The following ITSN1 variants were observed in gnomAD, a reference collection of about 807,000 sequenced individuals.
ITSN1 encodes the protein intersectin-1.
A neutral mutation model predicts 239.8 loss-of-function variants in ITSN1; 58 were observed. That is an observed-to-expected ratio of 0.24 (90% CI 0.20 to 0.30). The LOEUF (loss-of-function observed/expected upper bound fraction) is 0.30, where lower values mean the gene tolerates loss of function less well. Among genes scored for constraint, ITSN1 ranks in the 10% least tolerant of loss-of-function variants. The probability of loss-of-function intolerance (pLI) is 1.00; values close to 1 mark genes in which losing one functional copy is unlikely to be tolerated. For synonymous variants in ITSN1, 780 were observed against 770.8 expected, an observed-to-expected ratio of 1.01 and a Z score of -0.20; for missense variants, 1,558 against 2,103.3, an observed-to-expected ratio of 0.74 and a Z score of 5.07.
intron 18 of ITSN1, among the ~76,000 whole-genome samples, chr21:33,798,408 CTT>C (rs913684451): frequency 6.7e-6 from 1 of 148,492 alleles, no homozygotes; most frequent in African/African-American, 2.5e-5. Flanking sequence ...CCTAATTTGC[CTT>C]TTTTTTTTAA....
intron 1 of ITSN1, among the ~76,000 whole-genome samples, chr21:33,662,437 C>T (rs2089629459): frequency 6.6e-6 from 1 of 152,124 alleles, no homozygotes; most frequent in African/African-American, 2.4e-5. Flanking sequence ...CATTTTGAAC[C>T]TTCTTATACC....
chr21:33,728,170 A>G (rs1037295468), intron 4 of ITSN1, among the ~76,000 whole-genome samples: 3 of 151,984 alleles, frequency 2.0e-5, no homozygotes, highest in African/African-American at 7.2e-5. Context: ...TCACCATGTC[A>G]GCCAGGCTGG....
intron 6 of ITSN1, among the ~76,000 whole-genome samples, chr21:33,751,020 A>G (rs910022229): frequency 6.6e-6 from 1 of 152,222 alleles, no homozygotes; most frequent in East Asian, 1.9e-4. Context: ...TACTTGAAAC[A>G]TTTCTGCGCC....
In ITSN1 at chr21:33,819,311, G is replaced by C; in HGVS notation, c.3004G>C (p.Val1002Leu). The change falls in exon 24 of 40, where the codon GTT becomes CTT. Residue 1002 changes from valine (V) to leucine (L), a missense_variant. This residue lies in a region of ITSN1 where 982 missense variants were observed against 1,209.9 expected (regional missense o/e 0.81). Coordinates refer to ENST00000381318, the MANE Select transcript of ITSN1 (RefSeq NM_003024.3). ...RVASPAAKPV[V>L]SGEEFIAMYT... ...AGCCTCTCCAGCAGCCAAGCCGGTC[G>C]TTTCGGGAGAAGGTGAGGGCCTGAG... is the stretch of plus-strand genomic sequence containing the variant. 1.2e-6 allele frequency: 2 copies of C among 1,613,872 alleles called. No homozygotes were observed. The highest frequency in any genetic ancestry group is 1.7e-6 in the Non-Finnish European group (2 of 1,179,734).
chr21:33,671,543 C>T (rs530177247), intron 1 of ITSN1, among the ~76,000 whole-genome samples: 3 of 152,172 alleles, frequency 2.0e-5, no homozygotes, highest in Admixed American at 2.0e-4. Flanking sequence ...AGGTGTGAGC[C>T]GCTGTGCCCG....
At chr21:33,704,754 A>G (rs1014174710) in intron 1 of ITSN1, among the ~76,000 whole-genome samples, 1 of 151,932 alleles carries the variant, frequency 6.6e-6, no homozygotes, top group African/African-American at 2.4e-5. Context: ...AGTAAGGCTA[A>G]GTTGTCATTT....
rs895476489 is a variant in ITSN1 at position 33,893,619 on chromosome 21, C to T, written c.*5319C>T. ...CAAACAAAAAAAGAGCTAATGCAGA[C>T]CTCTTCTGGTTAGACCTGACACGGA... On this transcript the variant is annotated 3_prime_UTR_variant, in exon 40 of 40. Transcript: ENST00000381318. The T allele has an allele frequency of 6.6e-6, 1 of 152,164 alleles. No homozygotes were observed. The highest frequency in any genetic ancestry group is 1.5e-5 in the Non-Finnish European group (1 of 68,046). The allele number at this position is 152,164 out of a possible 1,614,324, so 9.4% of individuals were successfully genotyped here. A position where few individuals can be genotyped will look rare whatever the true frequency, so the allele number is the denominator to read the frequency against.
intron 20 of ITSN1, among the ~76,000 whole-genome samples, chr21:33,808,035 A>C (rs1428156749): frequency 6.6e-6 from 1 of 150,884 alleles, no homozygotes; most frequent in East Asian, 2.0e-4. Context: ...AATACAAAAA[A>C]AATTAGCCGG....
intron 1 of ITSN1, among the ~76,000 whole-genome samples, chr21:33,694,269 C>T (rs986057720): frequency 2.0e-5 from 3 of 152,206 alleles, no homozygotes; most frequent in Admixed American, 6.5e-5. Flanking sequence ...TCAAGGAATC[C>T]TCCCAAACTT....
intron 2 of ITSN1, 127 bp from the exon 3 acceptor site, chr21:33,721,051 G>A: frequency 1.6e-6 from 1 of 609,166 alleles, no homozygotes; most frequent in Non-Finnish European, 2.9e-6. Context: ...AGGACAAGAA[G>A]ATGTGAATTT....
chr21:33,875,532 T>C lies in ITSN1; in HGVS notation c.4341+11T>C. ...GAAGGCCTGTCTGAGGTAGCCAACC[T>C]TGGGGCTGGGCCCTGGTCTCCCCCG... On this transcript the variant is annotated intron_variant, in intron 34 of 39. Transcript: ENST00000381318. 1 of 1,611,502 alleles carries C rather than the reference T, an allele frequency of 6.2e-7. No homozygotes were observed. The highest frequency in any genetic ancestry group is 8.5e-7 in the Non-Finnish European group (1 of 1,178,086).
intron 1 of ITSN1, among the ~76,000 whole-genome samples, chr21:33,685,496 G>A (rs766903821): frequency 2.6e-5 from 4 of 151,434 alleles, no homozygotes; most frequent in Non-Finnish European, 4.4e-5. Flanking sequence ...CCCCTTCAAC[G>A]CTGTAATAAT....
chr21:33,758,049 T>C (rs1242435781), intron 8 of ITSN1, among the ~76,000 whole-genome samples: 2 of 152,034 alleles, frequency 1.3e-5, no homozygotes, highest in African/African-American at 4.8e-5. Context: ...CCTGGCTAAT[T>C]TTTTTAAAAA....
intron 5 of ITSN1, among the ~76,000 whole-genome samples, chr21:33,747,310 GA>G (rs989219591): frequency 2.6e-5 from 4 of 151,754 alleles, no homozygotes; most frequent in East Asian, 3.9e-4. Flanking sequence ...CAAAAAGATT[GA>G]AAAAAAATAA....
Position 33,773,711 on chromosome 21 carries a change from G to C in ITSN1, c.1306-1018G>C, listed in dbSNP as rs138491843. Among the ~76,000 whole-genome samples, 3 of 150,514 alleles carry C rather than the reference G, an allele frequency of 2.0e-5. No homozygotes were observed. In the East Asian group the frequency reaches 5.9e-4, roughly 30 times the overall value. On this transcript the variant is annotated intron_variant, in intron 12 of 39. Transcript: ENST00000381318. Reference sequence around the variant, plus strand: ...TTTTTTTTTTTTGAGACAGACTCTCGCTCTGTTGCCCAGGCTGGAGTGCAG... The same window carrying C: ...TTTTTTTTTTTTGAGACAGACTCTCCCTCTGTTGCCCAGGCTGGAGTGCAG...
At chr21:33,841,969 C>T (rs1191159559) in intron 29 of ITSN1, among the ~76,000 whole-genome samples, 2 of 149,138 alleles carry the variant, frequency 1.3e-5, no homozygotes, top group Non-Finnish European at 3.0e-5. Flanking sequence ...ACGGTTCACC[C>T]AGGTTGGAGT....
intron 1 of ITSN1, among the ~76,000 whole-genome samples, chr21:33,700,641 T>A (rs1440744179): frequency 6.6e-6 from 1 of 152,192 alleles, no homozygotes; most frequent in East Asian, 1.9e-4. Flanking sequence ...ACACCAGGCA[T>A]GCTTTGGTTG....
chr21:33,767,608 G>T (rs762054086), intron 10 of ITSN1, 105 bp from the exon 11 acceptor site: 21 of 520,422 alleles, frequency 4.0e-5, no homozygotes, highest in Admixed American at 3.6e-5. Flanking sequence ...AATGAAATTT[G>T]CTCCATGGCA....
At chr21:33,808,483 G>A (rs1294981860) in intron 20 of ITSN1, among the ~76,000 whole-genome samples, 1 of 151,988 alleles carries the variant, frequency 6.6e-6, no homozygotes, top group Non-Finnish European at 1.5e-5. Flanking sequence ...TACTCAGGAG[G>A]CTGAGGCAGG....
Sources: allele counts gnomAD v4.1 joint callset (sites outside exome capture counted in the v4.1 genomes callset), GRCh38; gene constraint gnomAD v4.1.1; regional missense constraint gnomAD v4.1.1; transcripts MANE v1.5; gene names NCBI Gene and HGNC (gene_info 2026-07-23, HGNC 2026-07-21).